PCDH15: variants seen among roughly 807,000 people sequenced by gnomAD.
PCDH15 encodes the protein protocadherin related 15, also known as protocadherin-15.
In PCDH15, 129 loss-of-function variants were observed where a neutral mutation model predicts 178.5. The observed-to-expected ratio is 0.72, with a 90% CI of 0.63 to 0.84. PCDH15 has a LOEUF of 0.84. PCDH15 is among the 40% of genes least tolerant of loss of function. The pLI is 0.00. For missense variants in PCDH15, 2,230 were observed against 2,099.9 expected (o/e 1.06, Z -1.21); for synonymous variants, 800 against 732.0 (o/e 1.09, Z -1.50).
At chr10:54,019,087 G>T (rs988601048) in intron 20 of PCDH15, among the ~76,000 whole-genome samples, 3 of 151,896 alleles carry the variant, frequency 2.0e-5, no homozygotes, top group African/African-American at 7.2e-5. Context: ...CTTGCTCTGT[G>T]CAGGTATCTC....
intron 37 of PCDH15, chr10:53,808,685 A>T: frequency 6.2e-7 from 1 of 1,610,134 alleles, no homozygotes; most frequent in East Asian, 2.2e-5. Flanking sequence ...ACCTACTGTG[A>T]TCTCTTTCAA....
chr10:55,432,060 G>T (rs1838892424), intron 2 of PCDH15, among the ~76,000 whole-genome samples: 1 of 138,626 alleles, frequency 7.2e-6, no homozygotes, highest in South Asian at 2.4e-4. Context: ...AGAGTAATTG[G>T]GATAGGCAGA....
chr10:54,458,898 C>T (rs1196580107), intron 3 of PCDH15, among the ~76,000 whole-genome samples: 3 of 152,128 alleles, frequency 2.0e-5, no homozygotes, highest in African/African-American at 2.4e-5. Context: ...TACTAGTGTA[C>T]AGCAGGTTCT....
chr10:55,451,724 T>C (rs1035131609), intron 2 of PCDH15, among the ~76,000 whole-genome samples: 4 of 152,160 alleles, frequency 2.6e-5, no homozygotes, highest in African/African-American at 7.2e-5. Context: ...AGAAAACCTA[T>C]ATTATTTTTA....
intron 2 of PCDH15, among the ~76,000 whole-genome samples, chr10:54,900,833 C>T (rs535980422): frequency 1.3e-5 from 2 of 152,156 alleles, no homozygotes; most frequent in African/African-American, 4.8e-5. Context: ...TCAGAATAAG[C>T]AAGCCAAGCT....
At chr10:55,527,865 C>G (rs1589112161) in intron 2 of PCDH15, among the ~76,000 whole-genome samples, 3 of 152,046 alleles carry the variant, frequency 2.0e-5, no homozygotes, top group African/African-American at 7.2e-5. Flanking sequence ...GTTTTTTCTT[C>G]TGACAACAAT....
Position 54,582,723 on chromosome 10 carries a change from C to T in PCDH15, c.92-54846G>A, listed in dbSNP as rs2091149412. 2.6e-5 allele frequency among the ~76,000 whole-genome samples: 4 copies of T among 151,860 alleles called. No homozygotes were observed. In the South Asian group the frequency reaches 8.3e-4, roughly 31 times the overall value. ...AGGCCAAGAGTTCAACTAGCATGGG[C>T]AATGTAGGGAGGCCCTGTCTCTACG... is the stretch of plus-strand genomic sequence containing the variant. On this transcript the variant is annotated intron_variant, in intron 2 of 37. Transcript: ENST00000644397.
intron 1 of PCDH15, among the ~76,000 whole-genome samples, chr10:55,174,381 A>G (rs777586119): frequency 1.3e-4 from 20 of 152,092 alleles, no homozygotes; most frequent in Non-Finnish European, 2.8e-4. Flanking sequence ...TCCTCATCTT[A>G]CCCACTCTCT....
chr10:54,815,965 TCA>T (rs1427691389), intron 3 of PCDH15, among the ~76,000 whole-genome samples: 1 of 152,162 alleles, frequency 6.6e-6, no homozygotes, highest in Non-Finnish European at 1.5e-5. Flanking sequence ...TGTTATTTTA[TCA>T]GTATGTCTTC....
intron 18 of PCDH15, among the ~76,000 whole-genome samples, chr10:54,055,895 A>G (rs183826294): frequency 3.3e-5 from 5 of 152,342 alleles, no homozygotes; most frequent in East Asian, 3.9e-4. Context: ...TTCACAGAAC[A>G]TTAGTTGAGA....
intron 34 of PCDH15, among the ~76,000 whole-genome samples, chr10:53,817,453 C>T (rs2076099436): frequency 6.6e-6 from 1 of 151,118 alleles, no homozygotes; most frequent in African/African-American, 2.4e-5. Context: ...GCGCCTTGAA[C>T]TGGTAAAAAG....
intron 13 of PCDH15, among the ~76,000 whole-genome samples, chr10:54,176,233 A>T (rs2047422101): frequency 6.6e-6 from 1 of 152,196 alleles, no homozygotes; most frequent in Admixed American, 6.5e-5. Context: ...TTAGATCATT[A>T]AAAGTTTTTG....
chr10:55,567,924 T>C (rs946245658), intron 2 of PCDH15, among the ~76,000 whole-genome samples: 3 of 151,896 alleles, frequency 2.0e-5, no homozygotes, highest in African/African-American at 7.2e-5. Flanking sequence ...AATAATAATT[T>C]GGTAAGAATG....
intron 2 of PCDH15, among the ~76,000 whole-genome samples, chr10:55,006,601 G>T (rs563643265): frequency 6.9e-4 from 105 of 151,956 alleles, no homozygotes; most frequent in African/African-American, 2.4e-3. Context: ...TTTTCAAGAG[G>T]TCTGGTCATT....
intron 13 of PCDH15, among the ~76,000 whole-genome samples, chr10:54,171,889 G>A (rs1207587076): frequency 2.0e-5 from 3 of 150,676 alleles, no homozygotes; most frequent in South Asian, 2.1e-4. Context: ...CCTCCCTTCA[G>A]CTTAATCTCT....
intron 1 of PCDH15, among the ~76,000 whole-genome samples, chr10:55,202,221 G>A (rs1564888090): frequency 2.0e-5 from 3 of 152,180 alleles, no homozygotes; most frequent in South Asian, 4.1e-4. Context: ...CTTCATCTAC[G>A]CAGAGCCAGT....
At chr10:54,534,751 T>C (rs1041968914) in intron 2 of PCDH15, among the ~76,000 whole-genome samples, 1 of 152,176 alleles carries the variant, frequency 6.6e-6, no homozygotes, top group Admixed American at 6.5e-5. Context: ...CTGTTTTCAA[T>C]TTGCATGTCA....
chr10:54,100,360 G>T (rs577456562), intron 15 of PCDH15, among the ~76,000 whole-genome samples: 2 of 141,914 alleles, frequency 1.4e-5, no homozygotes, highest in African/African-American at 5.6e-5. Context: ...GCAAGACTCC[G>T]TCTCAAAAAA....
chr10:55,402,250 A>G (rs1300077784), intron 2 of PCDH15, among the ~76,000 whole-genome samples: 2 of 152,076 alleles, frequency 1.3e-5, no homozygotes, highest in Non-Finnish European at 2.9e-5. Context: ...TTTATACCTA[A>G]TAATTACATA....
Sources: allele counts gnomAD v4.1 joint callset (sites outside exome capture counted in the v4.1 genomes callset), GRCh38; gene constraint gnomAD v4.1.1; transcripts MANE v1.5; gene names NCBI Gene and HGNC (gene_info 2026-07-23, HGNC 2026-07-21).